Variants in PLPP4 observed in about 807,000 individuals in gnomAD.
PLPP4 encodes the protein phospholipid phosphatase 4.
PLPP4 carries 20 observed loss-of-function variants against 32.2 expected under a neutral mutation model. That is an observed-to-expected ratio of 0.62 (90% CI 0.44 to 0.90). The LOEUF is 0.90. Ranked by LOEUF, PLPP4 falls within the 40% of genes least tolerant of loss-of-function variation. The pLI, the probability that PLPP4 is intolerant of heterozygous loss-of-function variation, is 0.00. For synonymous variants in PLPP4, 127 were observed against 133.0 expected (o/e 0.95, Z 0.31); for missense variants, 257 against 353.1 (o/e 0.73, Z 2.18).
At chr10:120,514,103 G>C (rs1845840029) in intron 3 of PLPP4, 102 bp downstream of exon 3, 2 of 912,608 alleles carry the variant, frequency 2.2e-6, no homozygotes, top group Admixed American at 3.6e-5. Flanking sequence ...TTTTCTTTTG[G>C]TCAAATTAAG....
intron 1 of PLPP4, among the ~76,000 whole-genome samples, chr10:120,485,240 C>G (rs761366072): frequency 1.1e-4 from 16 of 152,222 alleles, no homozygotes; most frequent in Non-Finnish European, 1.9e-4. Flanking sequence ...TGCCTTCCCC[C>G]TAGAGCTCCC....
chr10:120,520,825 C>T, intron 4 of PLPP4, 146 bp from the exon 5 acceptor site: 1 of 985,134 alleles, frequency 1.0e-6, no homozygotes, highest in South Asian at 1.6e-5. Flanking sequence ...ACGGCTGTGT[C>T]TAGAGTATTC....
In PLPP4 at chr10:120,512,974, A is replaced by T. The variant is rs922471929; in HGVS notation, c.166-937A>T. The stretch of plus-strand genomic sequence containing the variant: ...ACAGTTACACCCCAGCCCTCCCACC[A>T]CTGACTGCTAGGCCAATTCTGGATT... On this transcript the variant is annotated intron_variant, in intron 2 of 6. Coordinates refer to ENST00000398250, the MANE Select transcript of PLPP4 (RefSeq NM_001030059.3). Among the ~76,000 whole-genome samples, 9 of 152,042 alleles carry T rather than the reference A, an allele frequency of 5.9e-5. No homozygotes were observed. The East Asian group carries it at 1.7e-3, about 29-fold the overall frequency.
chr10:120,519,456 C>T (rs1280709565), intron 4 of PLPP4, among the ~76,000 whole-genome samples: 3 of 151,538 alleles, frequency 2.0e-5, no homozygotes, highest in African/African-American at 7.3e-5. Context: ...CTGGGACACA[C>T]TAGATCCCCT....
intron 1 of PLPP4, among the ~76,000 whole-genome samples, chr10:120,502,542 A>G (rs1460179467): frequency 6.6e-6 from 1 of 152,154 alleles, no homozygotes; most frequent in Non-Finnish European, 1.5e-5. Flanking sequence ...CAGCAGTGCT[A>G]CTGGGCTCTG....
intron 1 of PLPP4, among the ~76,000 whole-genome samples, chr10:120,464,595 C>A (rs1039883521): frequency 6.6e-6 from 1 of 152,202 alleles, no homozygotes; most frequent in Non-Finnish European, 1.5e-5. Context: ...TGGTCTCAGC[C>A]TTGCAGTTTC....
intron 3 of PLPP4, among the ~76,000 whole-genome samples, 159 bp from the exon 4 acceptor site, chr10:120,518,674 A>C (rs2133902974): frequency 6.6e-6 from 1 of 152,310 alleles, no homozygotes. Context: ...TTTGCTCTCT[A>C]GCAACCCAAA....
At chr10:120,580,911 A>T in intron 6 of PLPP4, 1 of 1,289,318 alleles carries the variant, frequency 7.8e-7, no homozygotes, top group Non-Finnish European at 1.0e-6. Context: ...GCTGCTGTGT[A>T]TGGCAGGGCC....
In PLPP4 at chr10:120,589,945, G is replaced by A. The variant is rs541019687; in HGVS notation, c.*443G>A. On this transcript the variant is annotated 3_prime_UTR_variant, in exon 7 of 7. Transcript: ENST00000398250. ...GCTCTGTCTGTAGGTCATTCCAGGTGCTGAGCTTGGAAGCAAAGGCTCAGA... is the reference window on the plus strand; with the variant it reads ...GCTCTGTCTGTAGGTCATTCCAGGTACTGAGCTTGGAAGCAAAGGCTCAGA... The A allele has an allele frequency of 6.4e-6, 1 of 155,788 alleles. No individual in the cohort carries two copies. Among genetic ancestry groups the A allele is most frequent in the African/African-American group, 2.4e-5 (1 of 41,664 alleles). 9.7% of individuals were successfully genotyped at this position (155,788 alleles called of 1,614,324 possible).
intron 5 of PLPP4, among the ~76,000 whole-genome samples, chr10:120,550,114 T>C (rs1409352453): frequency 1.3e-5 from 2 of 152,106 alleles, no homozygotes; most frequent in East Asian, 3.9e-4. Context: ...AAGTGAATTT[T>C]GCAAGATCAT....
intron 5 of PLPP4, among the ~76,000 whole-genome samples, chr10:120,538,038 C>CTGTGTG (rs1564825114): frequency 2.1e-5 from 1 of 48,046 alleles, no homozygotes; most frequent in African/African-American, 7.0e-5. Context: ...CTCTCTCTCT[C>CTGTGTG]TCTCTCTCTC....
chr10:120,504,681 A>C (rs1241486774), intron 2 of PLPP4, among the ~76,000 whole-genome samples: 1 of 152,228 alleles, frequency 6.6e-6, no homozygotes, highest in Non-Finnish European at 1.5e-5. Context: ...AGTATTGTGG[A>C]ATGAGAGAGG....
intron 5 of PLPP4, among the ~76,000 whole-genome samples, chr10:120,531,902 A>G (rs1589830890): frequency 6.6e-6 from 1 of 152,090 alleles, no homozygotes; most frequent in African/African-American, 2.4e-5. Flanking sequence ...ACACATATAT[A>G]TATATATACA....
intron 5 of PLPP4, among the ~76,000 whole-genome samples, chr10:120,530,834 A>G (rs1336069961): frequency 2.0e-5 from 3 of 152,134 alleles, no homozygotes; most frequent in Admixed American, 6.5e-5. Flanking sequence ...CACTCTTTTC[A>G]ATTTTAGTCA....
chr10:120,503,085 A>G (rs2133865195), intron 1 of PLPP4, among the ~76,000 whole-genome samples: 1 of 152,276 alleles, frequency 6.6e-6, no homozygotes, highest in Non-Finnish European at 1.5e-5. Flanking sequence ...CTCTCCTCTG[A>G]GTCCCATCCT....
chr10:120,487,264 G>A (rs1424434306), intron 1 of PLPP4, among the ~76,000 whole-genome samples: 1 of 152,138 alleles, frequency 6.6e-6, no homozygotes, highest in Non-Finnish European at 1.5e-5. Flanking sequence ...TTTGTATTTC[G>A]GTGAGAACAG....
chr10:120,544,297 A>G (rs1339147487), intron 5 of PLPP4, among the ~76,000 whole-genome samples: 1 of 151,796 alleles, frequency 6.6e-6, no homozygotes, highest in East Asian at 1.9e-4. Context: ...TTTATAGTGG[A>G]CTCCCTGAGA....
chr10:120,537,249 T>C (rs956275778), intron 5 of PLPP4, among the ~76,000 whole-genome samples: 1 of 152,294 alleles, frequency 6.6e-6, no homozygotes, highest in East Asian at 1.9e-4. Context: ...ACCAAATTCA[T>C]TGCAGCATTA....
chr10:120,527,000 A>G lies in PLPP4; in HGVS notation c.445+5905A>G, dbSNP rs1349362137. Among the ~76,000 whole-genome samples, 3 of 152,124 alleles carry G rather than the reference A, an allele frequency of 2.0e-5. No individual in the cohort carries two copies. In the East Asian group the frequency reaches 5.8e-4, roughly 29 times the overall value. ...ATCTTCATAGAGTGATGTGGTGTTC[A>G]GGTGCTCCGAGATGGAATGTGTGTT... On this transcript the variant is annotated intron_variant, in intron 5 of 6. Coordinates refer to ENST00000398250, the MANE Select transcript of PLPP4 (RefSeq NM_001030059.3).
Sources: gnomAD v4.1 joint callset for allele counts (sites outside exome capture counted in the v4.1 genomes callset) on GRCh38, gnomAD v4.1.1 for gene constraint, MANE v1.5 for transcripts, NCBI Gene and HGNC (gene_info 2026-07-23, HGNC 2026-07-21) for gene names.